Variants in NIPSNAP1 observed in about 807,000 individuals in gnomAD.
The protein encoded by NIPSNAP1 is protein NipSnap homolog 1.
NIPSNAP1 carries 25 observed loss-of-function variants against 49.2 expected under a neutral mutation model. That is an observed-to-expected ratio of 0.51 (90% confidence interval 0.37 to 0.71). NIPSNAP1 has a LOEUF of 0.71. Ranked by LOEUF, NIPSNAP1 falls within the 30% of genes least tolerant of loss-of-function variation. NIPSNAP1 has a pLI of 0.00. For synonymous variants in NIPSNAP1, 143 were observed against 140.7 expected (o/e 1.02, Z -0.12); for missense variants, 294 against 361.0 (o/e 0.81, Z 1.50).
At chr22:29,556,062 C>T (rs2064292412) in intron 9 of NIPSNAP1, 63 bp from the exon 10 acceptor site, 2 of 1,410,226 alleles carry the variant, frequency 1.4e-6, no homozygotes, top group East Asian at 2.5e-5. Flanking sequence ...CTCCCCTGGC[C>T]CCACCCACAC....
chr22:29,566,839 A>G (rs904862931), intron 4 of NIPSNAP1, among the ~76,000 whole-genome samples: 15 of 150,554 alleles, frequency 1.0e-4, no homozygotes, highest in African/African-American at 3.4e-4. Context: ...AAATAAATAA[A>G]TAGGCCAGGC....
chr22:29,576,071 T>C (rs150593392), intron 1 of NIPSNAP1, among the ~76,000 whole-genome samples: 2,081 of 147,044 alleles, frequency 0.014, 78 homozygotes, highest in African/African-American at 0.05. Context: ...CAGGCTGGAG[T>C]GCAGTGGCGT....
chr22:29,569,511 C>T (rs764828262), intron 3 of NIPSNAP1, among the ~76,000 whole-genome samples: 6 of 151,862 alleles, frequency 4.0e-5, no homozygotes, highest in Admixed American at 1.3e-4. Context: ...GAGGCTGAGG[C>T]AGGAGGATTG....
At chr22:29,567,030 G>T (rs1442277082) in intron 4 of NIPSNAP1, among the ~76,000 whole-genome samples, 2 of 152,170 alleles carry the variant, frequency 1.3e-5, no homozygotes, top group African/African-American at 4.8e-5. Context: ...GCTGAGGCAG[G>T]AGAATCACTT....
chr22:29,574,487 G>C (rs1041054847), intron 1 of NIPSNAP1, among the ~76,000 whole-genome samples: 5 of 151,152 alleles, frequency 3.3e-5, no homozygotes, highest in African/African-American at 1.2e-4. Flanking sequence ...TTAGCAAAAA[G>C]ACAATTATCA....
intron 8 of NIPSNAP1, among the ~76,000 whole-genome samples, chr22:29,560,380 T>C (rs1488589634): frequency 2.0e-5 from 3 of 152,072 alleles, no homozygotes; most frequent in Admixed American, 6.6e-5. Flanking sequence ...CCCGAGTATC[T>C]GGGACTACAG....
At chr22:29,570,944 C>T (rs1475437052) in intron 1 of NIPSNAP1, among the ~76,000 whole-genome samples, 3 of 152,122 alleles carry the variant, frequency 2.0e-5, no homozygotes, top group Non-Finnish European at 4.4e-5. Flanking sequence ...TCAGCCTCCC[C>T]TCCTGCCCCC....
At chr22:29,563,602 A>C (rs2064350911) in intron 4 of NIPSNAP1, among the ~76,000 whole-genome samples, 1 of 152,128 alleles carries the variant, frequency 6.6e-6, no homozygotes, top group African/African-American at 2.4e-5. Flanking sequence ...TCCCCTCAAA[A>C]TTTATGCCCA....
intron 1 of NIPSNAP1, chr22:29,579,628 C>T (rs568289574): frequency 3.0e-5 from 5 of 164,970 alleles, no homozygotes; most frequent in Middle Eastern, 3.1e-3. Context: ...AGGATCTCGC[C>T]GTGTTGCCAA....
chr22:29,559,163 G>A (rs534973731), intron 8 of NIPSNAP1, among the ~76,000 whole-genome samples: 2 of 152,164 alleles, frequency 1.3e-5, no homozygotes, highest in African/African-American at 4.8e-5. Context: ...ATTTCTAGTC[G>A]CAAACACTCC....
chr22:29,562,005 C>T, intron 4 of NIPSNAP1, 143 bp from the exon 5 acceptor site: 5 of 700,986 alleles, frequency 7.1e-6, no homozygotes, highest in Non-Finnish European at 1.3e-5. Context: ...TTCCCTCTGC[C>T]TTGGTGGAAG....
intron 1 of NIPSNAP1, among the ~76,000 whole-genome samples, chr22:29,575,438 A>G (rs1251576445): frequency 2.0e-5 from 3 of 152,154 alleles, no homozygotes; most frequent in Non-Finnish European, 4.4e-5. Flanking sequence ...GTAAAATCCA[A>G]GAAGGAGCTT....
chr22:29,560,985 G>A (rs921609620), intron 7 of NIPSNAP1, among the ~76,000 whole-genome samples, 157 bp from the exon 8 acceptor site: 8 of 152,188 alleles, frequency 5.3e-5, no homozygotes, highest in East Asian at 3.9e-4. Flanking sequence ...TTCTACCAAC[G>A]GAGGGGTCAC....
chr22:29,581,067 A>C lies in NIPSNAP1; in HGVS notation c.16T>G (p.Cys6Gly), dbSNP rs2064495029. MAPRL[C>G]SISVTARRLL... Reference sequence around the variant, plus strand: ...CGCCGCGCCGTCACAGAGATGCTGCACAGCCGCGGAGCCATGTTGGAGCCG... The same window carrying C: ...CGCCGCGCCGTCACAGAGATGCTGCCCAGCCGCGGAGCCATGTTGGAGCCG... Residue 6 changes from cysteine (C) to glycine (G), a missense_variant, in exon 1 of 10, where the codon TGC (cysteine) becomes GGC (glycine). Cys to Gly is a radical substitution (Grantham distance 159). Transcript: ENST00000216121. 1.3e-6 allele frequency: 2 copies of C among 1,541,822 alleles called. No individual in the cohort carries two copies. Among genetic ancestry groups the C allele is most frequent in the African/African-American group, 1.4e-5 (1 of 72,908 alleles).
chr22:29,575,268 G>C (rs1336743625), intron 1 of NIPSNAP1, among the ~76,000 whole-genome samples: 1 of 152,204 alleles, frequency 6.6e-6, no homozygotes, highest in Non-Finnish European at 1.5e-5. Flanking sequence ...AGCCAGCCCT[G>C]AAGAAAGAGA....
chr22:29,575,359 G>A (rs1372345443), intron 1 of NIPSNAP1, among the ~76,000 whole-genome samples: 1 of 152,056 alleles, frequency 6.6e-6, no homozygotes, highest in Non-Finnish European at 1.5e-5. Context: ...TCCTGCCTGT[G>A]GGCCTCAGTT....
At chr22:29,566,777 T>C (rs1382791672) in intron 4 of NIPSNAP1, among the ~76,000 whole-genome samples, 3 of 151,944 alleles carry the variant, frequency 2.0e-5, no homozygotes, top group Admixed American at 6.6e-5. Flanking sequence ...TGAGCTGTGA[T>C]TGCACCACTG....
chr22:29,580,985 C>T lies in NIPSNAP1; in HGVS notation c.98G>A (p.Arg33His). The change falls in exon 1 of 10, where the codon CGT becomes CAT. Residue 33 changes from arginine to histidine, a missense_variant and splice_region_variant. Around this residue, in one of 4 missense-constraint regions of NIPSNAP1, gnomAD observed 88 missense variants for 76.1 expected, o/e 1.16. Transcript: ENST00000216121. ...AGDVASAAAA[R>H]FYSKDNEGSW... ...TATCCCTGCCTGGCCGGGCTCTCAC[C>T]GCGCCGCAGCTGCAGACGCAACGTC... is the stretch of plus-strand genomic sequence containing the variant. The T allele has an allele frequency of 1.3e-6, 2 of 1,530,218 alleles. No individual in the cohort carries two copies. Among genetic ancestry groups the T allele is most frequent in the South Asian group, 1.2e-5 (1 of 83,472 alleles). The allele number at this position is 1,530,218 out of a possible 1,614,324, so 94.8% of individuals were successfully genotyped here.
intron 3 of NIPSNAP1, 60 bp from the exon 4 acceptor site, chr22:29,569,347 G>A: frequency 1.5e-6 from 2 of 1,292,226 alleles, no homozygotes; most frequent in South Asian, 2.4e-5. Flanking sequence ...TCTGAGATAA[G>A]GGTTCAAACT....
Sources: allele counts gnomAD v4.1 joint callset (sites outside exome capture counted in the v4.1 genomes callset), GRCh38; gene constraint gnomAD v4.1.1; regional missense constraint gnomAD v4.1.1; transcripts MANE v1.5; gene names NCBI Gene and HGNC (gene_info 2026-07-23, HGNC 2026-07-21).